FRRS1L: variants seen among roughly 807,000 people sequenced by gnomAD.
FRRS1L encodes ferric chelate reductase 1 like.
FRRS1L carries 22 observed loss-of-function variants against 28.6 expected under a neutral mutation model. That is an observed-to-expected ratio of 0.77 (90% CI 0.55 to 1.10). The LOEUF (loss-of-function observed/expected upper bound fraction) is 1.10. FRRS1L is among the 50% of genes least tolerant of loss of function. The probability of loss-of-function intolerance (pLI) is 0.00; values close to 1 mark genes in which losing one functional copy is unlikely to be tolerated. For missense variants in FRRS1L, 380 were observed against 386.9 expected (o/e 0.98, Z 0.15); for synonymous variants, 158 against 151.4 (o/e 1.04, Z -0.32).
intron 3 of FRRS1L, among the ~76,000 whole-genome samples, chr9:109,146,533 T>C (rs1444698257): frequency 6.6e-6 from 1 of 152,222 alleles, no homozygotes; most frequent in East Asian, 1.9e-4. Context: ...ACACATCTGG[T>C]CACAGAAGTA....
intron 3 of FRRS1L, among the ~76,000 whole-genome samples, chr9:109,145,943 C>T (rs1242681192): frequency 6.6e-6 from 1 of 152,108 alleles, no homozygotes; most frequent in Non-Finnish European, 1.5e-5. Flanking sequence ...TGCCTGTAAT[C>T]CCAGGACTCT....
At chr9:109,150,711 G>A (rs1283521815) in intron 1 of FRRS1L, 1 of 152,094 alleles carries the variant, frequency 6.6e-6, no homozygotes, top group Non-Finnish European at 1.5e-5. Context: ...CCACCATAAT[G>A]CATCAAACCA....
intron 3 of FRRS1L, among the ~76,000 whole-genome samples, chr9:109,144,515 C>T (rs1367823011): frequency 2.0e-5 from 3 of 151,920 alleles, no homozygotes; most frequent in African/African-American, 7.3e-5. Context: ...CAGGCACCTG[C>T]CACCATACCC....
intron 1 of FRRS1L, among the ~76,000 whole-genome samples, chr9:109,166,685 C>T (rs1174444724): frequency 6.6e-6 from 1 of 151,982 alleles, no homozygotes; most frequent in Non-Finnish European, 1.5e-5. Flanking sequence ...GTAAAGCGGG[C>T]GGCAGGCATT....
At position 109,141,568 on chromosome 9, in the gene FRRS1L, A is replaced by C. The variant is rs1210638472; in HGVS notation, c.484T>G (p.Cys162Gly). 3 of 1,613,412 alleles carry C rather than the reference A, an allele frequency of 1.9e-6. No homozygotes were observed. The highest frequency in any genetic ancestry group is 2.5e-6 in the Non-Finnish European group (3 of 1,179,380). ...ACCCTGCCATTGTCATCATGGACGC[A>C]GGCCATGACATCATCACCACCCTAA... ...KKMGGDDVMA[C>G]VHDDNGRVRI... Residue 162 changes from cysteine (C) to glycine (G), a missense_variant, in exon 4 of 5, where the codon TGC becomes GGC. Transcript: ENST00000561981.
intron 3 of FRRS1L, 64 bp downstream of exon 3, chr9:109,146,987 A>C: frequency 6.8e-7 from 1 of 1,471,360 alleles, no homozygotes; most frequent in Non-Finnish European, 9.5e-7. Context: ...ACTTGCTTCT[A>C]AAATCAAAAT....
intron 1 of FRRS1L, among the ~76,000 whole-genome samples, chr9:109,162,386 A>C (rs541107016): frequency 1.3e-5 from 2 of 152,338 alleles, no homozygotes; most frequent in Admixed American, 1.3e-4. Flanking sequence ...GGGACCCTCC[A>C]TTCCAGATGG....
At chr9:109,141,308 TG>T (rs1831182358) in intron 4 of FRRS1L, 34 bp downstream of exon 4, 3 of 1,611,136 alleles carry the variant, frequency 1.9e-6, no homozygotes. Context: ...CAGTGGTGTC[TG>T]GCGTTTAATC....
chr9:109,157,059 A>T (rs992314661), intron 1 of FRRS1L, among the ~76,000 whole-genome samples: 2 of 152,198 alleles, frequency 1.3e-5, no homozygotes, highest in African/African-American at 4.8e-5. Context: ...AGATATTTTG[A>T]CATGCAGTGC....
intron 3 of FRRS1L, among the ~76,000 whole-genome samples, chr9:109,141,899 T>TAA (rs151275617): frequency 1.6e-5 from 2 of 126,072 alleles, no homozygotes; most frequent in African/African-American, 6.0e-5. Flanking sequence ...CAAAAAAAAT[T>TAA]AAAAAAATAC....
chr9:109,144,521 T>C (rs1831229414), intron 3 of FRRS1L, among the ~76,000 whole-genome samples: 1 of 150,998 alleles, frequency 6.6e-6, no homozygotes, highest in Admixed American at 6.6e-5. Context: ...CCTGCCACCA[T>C]ACCCGGCTAA....
chr9:109,136,335 C>T lies in FRRS1L; in HGVS notation c.*1120G>A, dbSNP rs979000760. On this transcript the variant is annotated 3_prime_UTR_variant, in exon 5 of 5. Transcript: ENST00000561981. ...ATGAATACCTTAGTTTTATAAAATTCAGTGGTAGAAAAGTTCAAATTCTAA... is the reference window on the plus strand; with the variant it reads ...ATGAATACCTTAGTTTTATAAAATTTAGTGGTAGAAAAGTTCAAATTCTAA... 1 of 149,270 alleles carries T rather than the reference C, an allele frequency of 6.7e-6. No homozygotes were observed. Among genetic ancestry groups the T allele is most frequent in the African/African-American group, 2.5e-5 (1 of 40,654 alleles). 9.2% of individuals were successfully genotyped at this position (149,270 alleles called of 1,614,324 possible).
intron 1 of FRRS1L, among the ~76,000 whole-genome samples, chr9:109,165,816 G>C (rs987566957): frequency 1.9e-4 from 29 of 152,276 alleles, no homozygotes; most frequent in African/African-American, 6.5e-4. Context: ...TTTTCCCACT[G>C]TCTAGAATGT....
At chr9:109,164,396 AT>A (rs61154383) in intron 1 of FRRS1L, among the ~76,000 whole-genome samples, 398 of 134,696 alleles carry the variant, frequency 3.0e-3, no homozygotes, top group East Asian at 9.2e-3. Context: ...GAGCAGGTTG[AT>A]TTTTTTTTTT....
intron 4 of FRRS1L, chr9:109,139,579 G>A (rs1364730903): frequency 6.6e-6 from 1 of 152,158 alleles, no homozygotes; most frequent in Non-Finnish European, 1.5e-5. Context: ...CAGCTACCAA[G>A]GGGCAGAACC....
In FRRS1L at chr9:109,165,057, T is replaced by C. The variant is rs546903026; in HGVS notation, c.238+1844A>G. On this transcript the variant is annotated intron_variant, in intron 1 of 4. Transcript: ENST00000561981. Reference sequence around the variant, plus strand: ...TCATTTGTTAGATGCATGAGCCCAATCAGAATACAAGTTCTCACATACCAC... The same window carrying C: ...TCATTTGTTAGATGCATGAGCCCAACCAGAATACAAGTTCTCACATACCAC... 2.0e-5 allele frequency among the ~76,000 whole-genome samples: 3 copies of C among 152,326 alleles called. No individual in the cohort carries two copies. In the East Asian group the frequency reaches 5.8e-4, roughly 29 times the overall value.
intron 1 of FRRS1L, chr9:109,152,066 T>C (rs1342352044): frequency 6.6e-6 from 1 of 152,256 alleles, no homozygotes. Flanking sequence ...TCATCCTCAC[T>C]ACTTCCTGGC....
At chr9:109,160,911 G>A (rs933548198) in intron 1 of FRRS1L, among the ~76,000 whole-genome samples, 12 of 150,020 alleles carry the variant, frequency 8.0e-5, no homozygotes, top group Admixed American at 6.7e-4. Flanking sequence ...TCCTGCCTCA[G>A]CCTCCCGAGT....
chr9:109,146,696 GCGTCAAGTCCAGATGAACCCCA>G (rs1831266296), intron 3 of FRRS1L, among the ~76,000 whole-genome samples: 1 of 152,102 alleles, frequency 6.6e-6, no homozygotes, highest in Admixed American at 6.6e-5. Flanking sequence ...TCATGGACAG[GCGTCAAGTCCAGATGAACCCCA>G]CCTAAAATGA....
Sources: gnomAD v4.1 joint callset for allele counts (sites outside exome capture counted in the v4.1 genomes callset) on GRCh38, gnomAD v4.1.1 for gene constraint, MANE v1.5 for transcripts, NCBI Gene and HGNC (gene_info 2026-07-23, HGNC 2026-07-21) for gene names.